The following MAST4 variants were observed in gnomAD, a reference collection of about 807,000 sequenced individuals.
MAST4 encodes the protein microtubule associated serine/threonine kinase family member 4.
Under a neutral mutation model 162.7 loss-of-function variants are expected in MAST4, and 89 were observed. The observed-to-expected ratio is 0.55, with a 90% CI of 0.46 to 0.65. The LOEUF is 0.65. Ranked by LOEUF, MAST4 falls within the 30% of genes least tolerant of loss-of-function variation. MAST4 has a pLI of 0.00. For missense variants in MAST4, 3,153 were observed against 3,374.0 expected, an observed-to-expected ratio of 0.93 and a Z score of 1.62; for synonymous variants, 1,479 against 1,361.1, an observed-to-expected ratio of 1.09 and a Z score of -1.91.
chr5:67,163,539 T>C lies in MAST4; in HGVS notation c.4360T>C (p.Tyr1454His). 1 of 1,602,156 alleles carries C rather than the reference T, an allele frequency of 6.2e-7. No homozygotes were observed. The change falls in exon 29 of 29, where the codon TAC becomes CAC. Residue 1454 changes from tyrosine to histidine, a missense_variant. Tyr to His is a moderately conservative substitution (Grantham distance 83). Coordinates refer to ENST00000403625, the MANE Select transcript of MAST4 (RefSeq NM_001164664.2). The surrounding 1 kb of genome is among the most constrained non-coding windows in gnomAD (Gnocchi z 7.0). ...VQSEEKLSPS[Y>H]GSDKKHLCSR... ...GTCCGAGGAGAAGCTGTCGCCCTCT[T>C]ACGGCAGTGACAAGAAGCACCTGTG... is the stretch of plus-strand genomic sequence containing the variant.
rs373329297 is a variant in MAST4 at position 67,048,144 on chromosome 5, A to G, written c.675-6260A>G. ...TTTCAAATATAGCCTCTTATCAAAG[A>G]CATTTTTCAAAGCTTTTTCAATCAA... On this transcript the variant is annotated intron_variant, in intron 4 of 28. Transcript: ENST00000403625. Among the ~76,000 whole-genome samples, 12 of 152,316 alleles carry G rather than the reference A, an allele frequency of 7.9e-5. No homozygotes were observed. In the East Asian group the frequency reaches 1.9e-3, roughly 24 times the overall value.
At chr5:66,597,301 G>A (rs1561202773) in intron 1 of MAST4, among the ~76,000 whole-genome samples, 1 of 152,206 alleles carries the variant, frequency 6.6e-6, no homozygotes, top group Non-Finnish European at 1.5e-5. Flanking sequence ...TATCTGACTT[G>A]GTTGATCTGT....
intron 2 of MAST4, among the ~76,000 whole-genome samples, chr5:66,765,050 G>A (rs1269739559): frequency 6.6e-6 from 1 of 152,060 alleles, no homozygotes; most frequent in East Asian, 1.9e-4. Flanking sequence ...TCATTGTGTT[G>A]CAGTTGCCTA....
intron 1 of MAST4, among the ~76,000 whole-genome samples, chr5:66,704,030 A>G (rs1198773692): frequency 6.6e-6 from 1 of 152,210 alleles, no homozygotes; most frequent in East Asian, 1.9e-4. Context: ...AGGAAGGCCA[A>G]ATAGACTAGG....
chr5:66,876,466 C>T (rs979937501), intron 3 of MAST4, among the ~76,000 whole-genome samples: 19 of 152,100 alleles, frequency 1.2e-4, no homozygotes, highest in African/African-American at 4.1e-4. Context: ...TGTCATGGCC[C>T]TCTGTGGTGG....
chr5:66,650,941 C>T (rs991999545), intron 1 of MAST4, among the ~76,000 whole-genome samples: 14 of 152,308 alleles, frequency 9.2e-5, no homozygotes, highest in East Asian at 1.9e-4. Flanking sequence ...TGGGCAAGCA[C>T]GCTCTGACTC....
chr5:67,010,657 G>A (rs1365981090), intron 4 of MAST4, among the ~76,000 whole-genome samples: 1 of 152,208 alleles, frequency 6.6e-6, no homozygotes, highest in East Asian at 1.9e-4. Flanking sequence ...GCGAGGTACA[G>A]GAAAGGAGAC....
chr5:67,045,092 T>C (rs552731701), intron 4 of MAST4, among the ~76,000 whole-genome samples: 1 of 152,354 alleles, frequency 6.6e-6, no homozygotes, highest in African/African-American at 2.4e-5. Flanking sequence ...CAAGGTAAAT[T>C]ATAAACTTCT....
intron 3 of MAST4, among the ~76,000 whole-genome samples, chr5:66,898,453 G>A (rs1051221738): frequency 6.6e-6 from 1 of 151,274 alleles, no homozygotes; most frequent in Non-Finnish European, 1.5e-5. Flanking sequence ...TTTATGTTTC[G>A]GTTCCCAAGG....
At chr5:67,151,749 T>C (rs1291467077) in intron 24 of MAST4, among the ~76,000 whole-genome samples, 1 of 150,928 alleles carries the variant, frequency 6.6e-6, no homozygotes, top group Non-Finnish European at 1.5e-5. Flanking sequence ...CTTTCCTTTT[T>C]TTTTTTCTTC....
chr5:66,852,461 A>C (rs75506227), intron 3 of MAST4, among the ~76,000 whole-genome samples: 6,396 of 152,170 alleles, frequency 0.042, 474 homozygotes, highest in African/African-American at 0.15. Context: ...ACTCCATTTT[A>C]TAGAAGAGGA....
At position 66,759,625 on chromosome 5, in the gene MAST4, G is replaced by A. The variant is rs939130062; in HGVS notation, c.364-84G>A. On this transcript the variant is annotated intron_variant, in intron 1 of 28. Coordinates refer to ENST00000403625, the MANE Select transcript of MAST4 (RefSeq NM_001164664.2). The stretch of plus-strand genomic sequence containing the variant: ...ATGGAGTTTGAGAAGGAAAAGAAAG[G>A]AAGAAAAAGTGTGAATGATTGGTCT... The A allele has an allele frequency of 5.1e-5, 77 of 1,503,712 alleles. 3 individuals carry two copies. In the South Asian group the frequency reaches 7.2e-4, roughly 14 times the overall value. The allele number at this position is 1,503,712 out of a possible 1,614,324, so 93.1% of individuals were successfully genotyped here. A position where few individuals can be genotyped will look rare whatever the true frequency, so the allele number is the denominator to read the frequency against.
In MAST4 at chr5:67,163,236, G is replaced by A. The variant is rs1385142211; in HGVS notation, c.4057G>A (p.Gly1353Ser). The A allele has an allele frequency of 1.9e-6, 3 of 1,613,768 alleles. No individual in the cohort carries two copies. The highest frequency in any genetic ancestry group is 1.1e-5 in the South Asian group (1 of 91,078). ...GCACATCCGGCCCAGCACTCTCCAC[G>A]GTCTTGCACCCAAACTCGGCGGGCA... ...SGHIRPSTLHGLAPKLGGQRY... is the reference protein window; with the variant it reads ...SGHIRPSTLHSLAPKLGGQRY... The change falls in exon 29 of 29, where the codon GGT becomes AGT. Residue 1353 changes from glycine (G) to serine (S), a missense_variant. Transcript: ENST00000403625. This position sits in a 1 kb window ranked among gnomAD's most constrained non-coding sequence, Gnocchi z 7.0.
rs1301237919 is a variant in MAST4 at position 67,100,566 on chromosome 5, G to T, written c.1044G>T (p.Pro348=). Residue 348 remains proline, a synonymous_variant, in exon 8 of 29, where the codon CCG becomes CCT. Transcript: ENST00000403625. ...CTGAGAACAGATGCAGGAACACGCC[G>T]ATGCGCCCCCGTTCCCGAAGTCTGA... ...IATENRCRNT[P]MRPRSRSLSP... 8.1e-6 allele frequency: 13 copies of T among 1,613,844 alleles called. No homozygotes were observed. Among genetic ancestry groups the T allele is most frequent in the Non-Finnish European group, 1.0e-5 (12 of 1,179,848 alleles).
In MAST4 at chr5:67,162,475, T is replaced by G. The variant is rs773327863; in HGVS notation, c.3786-132T>G. The stretch of plus-strand genomic sequence containing the variant: ...GGTTTCTAATAGGAAAGTGGTGTTC[T>G]GCTCTTTAATAGGATCTGCTGTTGT... On this transcript the variant is annotated intron_variant, in intron 27 of 28. Transcript: ENST00000403625. 227 of 721,646 alleles carry G rather than the reference T, an allele frequency of 3.1e-4. 1 individual carries two copies. Among genetic ancestry groups the G allele is most frequent in the Non-Finnish European group, 7.0e-5 (31 of 440,396 alleles). 44.7% of individuals were successfully genotyped at this position (721,646 alleles called of 1,614,324 possible).
At chr5:67,110,490 T>C (rs1248984191) in intron 11 of MAST4, among the ~76,000 whole-genome samples, 5 of 152,264 alleles carry the variant, frequency 3.3e-5, no homozygotes, top group Non-Finnish European at 7.3e-5. Flanking sequence ...AATTACTTTA[T>C]GTCACAGCTA....
chr5:66,766,280 T>C (rs560508849), intron 2 of MAST4, among the ~76,000 whole-genome samples: 88 of 152,042 alleles, frequency 5.8e-4, no homozygotes, highest in South Asian at 8.3e-4. Context: ...GTGTTTTTTT[T>C]CCCCCCAAAT....
intron 4 of MAST4, among the ~76,000 whole-genome samples, chr5:66,996,294 A>G (rs540235842): frequency 3.5e-4 from 53 of 152,106 alleles, no homozygotes; most frequent in Admixed American, 1.4e-3. Context: ...AAATATATAT[A>G]TATATACTTT....
chr5:66,639,785 A>T (rs1291261199), intron 1 of MAST4, among the ~76,000 whole-genome samples: 1 of 152,202 alleles, frequency 6.6e-6, no homozygotes, highest in Non-Finnish European at 1.5e-5. Context: ...TTGAATTTAA[A>T]TCAGTATTAT....
Sources: allele counts gnomAD v4.1 joint callset (sites outside exome capture counted in the v4.1 genomes callset), GRCh38; gene constraint gnomAD v4.1.1; non-coding constraint Gnocchi (gnomAD v3.1); transcripts MANE v1.5; gene names NCBI Gene and HGNC (gene_info 2026-07-23, HGNC 2026-07-21).